PDE10A: variants seen among roughly 807,000 people sequenced by gnomAD.
The protein encoded by PDE10A is phosphodiesterase 10A.
Under a neutral mutation model 97.7 loss-of-function variants are expected in PDE10A, and 39 were observed. The ratio of observed to expected loss-of-function variants is 0.40; its 90% CI spans 0.31 to 0.52. The LOEUF is 0.52. PDE10A is among the 20% of genes least tolerant of loss of function. The pLI is 0.56. For missense variants in PDE10A, 731 were observed against 1,047.8 expected, an observed-to-expected ratio of 0.70 and a Z score of 4.17; for synonymous variants, 371 against 376.8, an observed-to-expected ratio of 0.98 and a Z score of 0.18.
rs988321766 is a variant in PDE10A, at chr6:165,768,758, G to C, written c.-615+218771C>G. 3.3e-5 allele frequency among the ~76,000 whole-genome samples: 5 copies of C among 152,056 alleles called. 1 individual carries two copies. Among genetic ancestry groups the C allele is most frequent in the Non-Finnish European group, 7.4e-5 (5 of 68,010 alleles). ...ATGTCATTTAAGGGCATTTAACTTT[G>C]TAACTCCACCCAAAGCAGCACTGCC... On this transcript the variant is annotated intron_variant, in intron 1 of 19. Coordinates refer to the PDE10A transcript ENST00000366882.
At chr6:165,987,840 C>T (rs1785271510) in exon 1 of PDE10A, 2 of 408,170 alleles carry the variant, frequency 4.9e-6, no homozygotes, top group African/African-American at 4.2e-5. Flanking sequence ...TCCTTTCCAT[C>T]TGGGGGTCTC....
chr6:165,615,718 A>G (rs775562274), intron 1 of PDE10A, among the ~76,000 whole-genome samples: 1 of 152,182 alleles, frequency 6.6e-6, no homozygotes, highest in South Asian at 2.1e-4. Context: ...CTCAGTTACT[A>G]CCTAGTTTAT....
chr6:165,722,340 T>C (rs1792186036), intron 1 of PDE10A, among the ~76,000 whole-genome samples: 2 of 152,218 alleles, frequency 1.3e-5, no homozygotes, highest in Admixed American at 6.5e-5. Flanking sequence ...TTTCTACTCA[T>C]ATTCATGCTA....
chr6:165,527,830 G>A (rs887681273), intron 2 of PDE10A, among the ~76,000 whole-genome samples: 7 of 152,130 alleles, frequency 4.6e-5, no homozygotes, highest in Admixed American at 2.6e-4. Context: ...AGTCTGTACC[G>A]ATGGCCTCAT....
At chr6:165,780,681 C>T (rs953985635) in intron 1 of PDE10A, 7 of 152,266 alleles carry the variant, frequency 4.6e-5, no homozygotes, top group Non-Finnish European at 7.3e-5. Flanking sequence ...AGTCCTTACA[C>T]GAGAAATAAC....
chr6:165,917,089 A>G (rs184151095), intron 1 of PDE10A, among the ~76,000 whole-genome samples: 2 of 152,254 alleles, frequency 1.3e-5, no homozygotes, highest in Admixed American at 1.3e-4. Context: ...CTTTTCTGAA[A>G]TTCCTTTGGA....
At chr6:165,792,346 G>A (rs983967084) in intron 1 of PDE10A, among the ~76,000 whole-genome samples, 3 of 152,182 alleles carry the variant, frequency 2.0e-5, no homozygotes, top group Non-Finnish European at 2.9e-5. Flanking sequence ...CTGTAAGGGA[G>A]CGGGAAGGAA....
At chr6:165,486,385 C>G (rs1366310846) in intron 2 of PDE10A, among the ~76,000 whole-genome samples, 1 of 152,174 alleles carries the variant, frequency 6.6e-6, no homozygotes, top group Non-Finnish European at 1.5e-5. Flanking sequence ...TTTCACTACT[C>G]AGGTCAAACA....
At chr6:165,879,402 A>ACCT (rs1199541437) in intron 1 of PDE10A, among the ~76,000 whole-genome samples, 13 of 151,912 alleles carry the variant, frequency 8.6e-5, no homozygotes, top group Admixed American at 7.2e-4. Flanking sequence ...TCAACAACCA[A>ACCT]CCTCTGTGTC....
intron 5 of PDE10A, among the ~76,000 whole-genome samples, chr6:165,445,527 G>C (rs925996057): frequency 7.9e-5 from 12 of 152,276 alleles, no homozygotes; most frequent in African/African-American, 2.9e-4. Context: ...CCCTTTAGAG[G>C]GCCAGGACAG....
intron 1 of PDE10A, among the ~76,000 whole-genome samples, chr6:165,594,334 GTT>G (rs199717658): frequency 0.015 from 2,345 of 152,288 alleles, 59 homozygotes; most frequent in African/African-American, 0.054. Context: ...GTAAGAAAAT[GTT>G]TGAAAGAACG....
intron 1 of PDE10A, among the ~76,000 whole-genome samples, chr6:165,706,926 T>C (rs1387497959): frequency 6.6e-6 from 1 of 152,214 alleles, no homozygotes; most frequent in Non-Finnish European, 1.5e-5. Context: ...GGCACAGTCT[T>C]GTATTATGAA....
Position 165,329,990 on chromosome 6 carries a change from C to T in PDE10A, c.*3035G>A, listed in dbSNP as rs539639676. On this transcript the variant is annotated 3_prime_UTR_variant, in exon 22 of 22. Transcript: ENST00000539869. ...CCATTGTATTTCTTTTGACCCTTTTCTAATTAATCAATTCACATTGCCCGA... is the reference window on the plus strand; with the variant it reads ...CCATTGTATTTCTTTTGACCCTTTTTTAATTAATCAATTCACATTGCCCGA... The T allele has an allele frequency of 6.6e-6, 1 of 152,262 alleles. No individual in the cohort carries two copies. Among genetic ancestry groups the T allele is most frequent in the East Asian group, 1.9e-4 (1 of 5,184 alleles). The allele number at this position is 152,262 out of a possible 1,614,324, so 9.4% of individuals were successfully genotyped here.
chr6:165,547,364 AG>A (rs1278062276), intron 1 of PDE10A, among the ~76,000 whole-genome samples: 3 of 152,162 alleles, frequency 2.0e-5, no homozygotes, highest in African/African-American at 4.8e-5. Flanking sequence ...CTGAATGATC[AG>A]GGTAAGTTAT....
At chr6:165,546,523 C>T (rs111659462) in intron 1 of PDE10A, among the ~76,000 whole-genome samples, 6 of 152,136 alleles carry the variant, frequency 3.9e-5, no homozygotes, top group African/African-American at 9.6e-5. Flanking sequence ...ATAAAACAAC[C>T]TCCCTGAAGC....
intron 1 of PDE10A, among the ~76,000 whole-genome samples, chr6:165,925,068 G>GAA (rs1782892317): frequency 6.6e-6 from 1 of 152,102 alleles, no homozygotes; most frequent in African/African-American, 2.4e-5. Flanking sequence ...AATTTAATAG[G>GAA]AAAAATGAAA....
chr6:165,845,758 A>T (rs1448657464), intron 1 of PDE10A, among the ~76,000 whole-genome samples: 1 of 152,250 alleles, frequency 6.6e-6, no homozygotes, highest in Non-Finnish European at 1.5e-5. Context: ...ACCATTTGAC[A>T]TACAGCTTCC....
chr6:165,932,159 A>G (rs1256662611), intron 1 of PDE10A, among the ~76,000 whole-genome samples: 1 of 152,186 alleles, frequency 6.6e-6, no homozygotes. Context: ...AGAAGTCCAG[A>G]TCTTCCTGCC....
intron 18 of PDE10A, among the ~76,000 whole-genome samples, chr6:165,372,987 C>A (rs1293402138): frequency 6.8e-6 from 1 of 146,398 alleles, no homozygotes; most frequent in Non-Finnish European, 1.5e-5. Context: ...GAAAGGATTC[C>A]CTATTTAATA....
Sources: gnomAD v4.1 joint callset for allele counts (sites outside exome capture counted in the v4.1 genomes callset) on GRCh38, gnomAD v4.1.1 for gene constraint, MANE v1.5 for transcripts, NCBI Gene and HGNC (gene_info 2026-07-23, HGNC 2026-07-21) for gene names.